KCNMB3: variants seen among roughly 807,000 people sequenced by gnomAD.
The protein encoded by KCNMB3 is calcium-activated potassium channel subunit beta-3.
Under a neutral mutation model 11.9 loss-of-function variants are expected in KCNMB3, and 18 were observed. The ratio of observed to expected loss-of-function variants is 1.51; its 90% CI spans 1.04 to 2.23. The LOEUF (loss-of-function observed/expected upper bound fraction) is 2.23. Among genes scored for constraint, KCNMB3 ranks in the 30% most tolerant of loss-of-function variants. The pLI is 0.00. For missense variants in KCNMB3, 247 were observed against 329.4 expected, an observed-to-expected ratio of 0.75 and a Z score of 1.94; for synonymous variants, 78 against 119.2, an observed-to-expected ratio of 0.65 and a Z score of 2.25.
chr3:179,247,941 C>CA (rs926538562), intron 1 of KCNMB3, among the ~76,000 whole-genome samples: 53 of 145,692 alleles, frequency 3.6e-4, no homozygotes, highest in African/African-American at 9.3e-4. Flanking sequence ...TTTGGCTGTC[C>CA]AAAAAAAAAA....
chr3:179,241,250 G>A (rs1355723689), downstream of KCNMB3: 2 of 151,894 alleles, frequency 1.3e-5, no homozygotes, highest in South Asian at 2.1e-4. Context: ...TAACAACTGC[G>A]TGAAAGAACG....
upstream of KCNMB3, among the ~76,000 whole-genome samples, chr3:179,252,427 C>A (rs1725877727): frequency 6.6e-6 from 1 of 152,154 alleles, no homozygotes; most frequent in Admixed American, 6.5e-5. Flanking sequence ...TTTTTTCCCA[C>A]AAGCATAGTT....
chr3:179,265,356 T>C (rs887759694), intron 1 of KCNMB3, among the ~76,000 whole-genome samples: 2 of 152,196 alleles, frequency 1.3e-5, no homozygotes, highest in Admixed American at 6.5e-5. Flanking sequence ...CCATCTTTAA[T>C]GTTTTCCAAT....
In KCNMB3 at chr3:179,250,844, A is replaced by G. The variant is rs777732582; in HGVS notation, c.147T>C (p.Ala49=). The G allele has an allele frequency of 6.2e-7, 1 of 1,614,160 alleles. No homozygotes were observed. The highest frequency in any genetic ancestry group is 1.1e-5 in the South Asian group (1 of 91,084). ...CCAGCATCACGGCTCGGTCCTCTCC[A>G]GCACTGGATGGCAGCCTCTTGTGCA... ...LDVHKRLPSS[A]GEDRAVMLGF... Residue 49 remains alanine (A), a synonymous_variant, in exon 1 of 3, where the codon GCT becomes GCC. Coordinates refer to ENST00000392685, the MANE Select transcript of KCNMB3 (RefSeq NM_171830.2).
intron 1 of KCNMB3, among the ~76,000 whole-genome samples, chr3:179,262,355 G>A (rs946215217): frequency 1.3e-5 from 2 of 152,236 alleles, no homozygotes; most frequent in African/African-American, 2.4e-5. Context: ...TTCGCAGTGA[G>A]TGTTATAGCT....
At chr3:179,260,318 A>C (rs1726162394) in intron 1 of KCNMB3, 1 of 1,613,946 alleles carries the variant, frequency 6.2e-7, no homozygotes, top group Middle Eastern at 1.6e-4. Flanking sequence ...CGCTCTCAAG[A>C]ATTTGGCTTT....
At chr3:179,261,606 A>G (rs893109725) in intron 1 of KCNMB3, among the ~76,000 whole-genome samples, 3 of 150,948 alleles carry the variant, frequency 2.0e-5, no homozygotes, top group African/African-American at 7.3e-5. Flanking sequence ...TTACATTACT[A>G]TGGTGTGAAA....
intron 1 of KCNMB3, among the ~76,000 whole-genome samples, chr3:179,263,197 C>T (rs1010579876): frequency 7.9e-5 from 12 of 152,216 alleles, no homozygotes; most frequent in Non-Finnish European, 1.6e-4. Flanking sequence ...AGCCCTGCCC[C>T]GCGGGGAGGC....
chr3:179,249,740 A>C (rs1311945111), intron 1 of KCNMB3, among the ~76,000 whole-genome samples: 19 of 152,238 alleles, frequency 1.2e-4, no homozygotes, highest in Non-Finnish European at 2.9e-5. Flanking sequence ...ACATAGATGA[A>C]ATGAAGCTGG....
intron 1 of KCNMB3, among the ~76,000 whole-genome samples, chr3:179,245,640 C>T (rs1355687326): frequency 1.3e-5 from 2 of 152,068 alleles, no homozygotes; most frequent in Non-Finnish European, 2.9e-5. Flanking sequence ...GCTGGGATTA[C>T]AGGTGCGCAC....
intron 1 of KCNMB3, chr3:179,259,423 C>T (rs1726129387): frequency 5.0e-6 from 8 of 1,605,446 alleles, no homozygotes; most frequent in African/African-American, 1.3e-5. Context: ...TCTAATGTGT[C>T]TCTACCAGCT....
At chr3:179,263,954 G>A (rs1358001359) in intron 1 of KCNMB3, among the ~76,000 whole-genome samples, 4 of 151,114 alleles carry the variant, frequency 2.6e-5, no homozygotes, top group African/African-American at 9.7e-5. Context: ...TATAGGCGCC[G>A]GCTACCACGC....
chr3:179,249,885 G>C (rs985081696), intron 1 of KCNMB3, among the ~76,000 whole-genome samples: 2 of 152,156 alleles, frequency 1.3e-5, no homozygotes, highest in Non-Finnish European at 2.9e-5. Context: ...CCTCTCAGTG[G>C]AGTAGGGGGA....
intron 1 of KCNMB3, among the ~76,000 whole-genome samples, chr3:179,261,513 G>C (rs1161750820): frequency 6.6e-6 from 1 of 151,926 alleles, no homozygotes; most frequent in African/African-American, 2.4e-5. Flanking sequence ...GAGCCTGGCC[G>C]GGGGTGGAAT....
At chr3:179,256,297 G>C (rs547673327), upstream of KCNMB3, among the ~76,000 whole-genome samples, 89 of 152,150 alleles carry the variant, frequency 5.8e-4, no homozygotes, top group African/African-American at 2.0e-3. Context: ...TTAGCTGGAC[G>C]TGGTGGCACA....
At chr3:179,266,369 G>C (rs1881920) in intron 1 of KCNMB3, among the ~76,000 whole-genome samples, 57,312 of 152,104 alleles carry the variant, frequency 0.38, 12,735 homozygotes, top group East Asian at 0.73. Flanking sequence ...ACCAACTATG[G>C]GCTGGGCTAT....
At chr3:179,239,890 G>T, downstream of KCNMB3, 2 of 664,456 alleles carry the variant, frequency 3.0e-6, no homozygotes, top group African/African-American at 3.7e-5. Flanking sequence ...ACAGCAAGAT[G>T]CATGTGTTAC....
intron 1 of KCNMB3, among the ~76,000 whole-genome samples, chr3:179,245,053 A>T (rs559265046): frequency 1.3e-5 from 2 of 152,332 alleles, no homozygotes; most frequent in East Asian, 3.9e-4. Context: ...CTGATTTGGT[A>T]GGTCTGACTT....
rs761706181 is a variant in KCNMB3 at position 179,266,738 on chromosome 3, C to T, written c.-28G>A. ...GGCCAGGGGTCTGAGAAAATGGCTC[C>T]CTTTCACCTGAGTCATGCCCCTGCG... On this transcript the variant is annotated 5_prime_UTR_variant, in exon 1 of 4. Coordinates refer to the KCNMB3 transcript ENST00000349697. 4.3e-6 allele frequency: 7 copies of T among 1,613,410 alleles called. No homozygotes were observed. The South Asian group carries it at 6.6e-5, about 15-fold the overall frequency.
Sources: gnomAD v4.1 joint callset for allele counts (sites outside exome capture counted in the v4.1 genomes callset) on GRCh38, gnomAD v4.1.1 for gene constraint, MANE v1.5 for transcripts, NCBI Gene and HGNC (gene_info 2026-07-23, HGNC 2026-07-21) for gene names.